PRKAR2A: variants seen among roughly 807,000 people sequenced by gnomAD.
The protein encoded by PRKAR2A is cAMP-dependent protein kinase type II-alpha regulatory subunit.
In PRKAR2A, 29 loss-of-function variants were observed where a neutral mutation model predicts 51.9. The observed-to-expected ratio is 0.56, with a 90% CI of 0.42 to 0.76. The LOEUF (loss-of-function observed/expected upper bound fraction) is 0.76, where lower values mean the gene tolerates loss of function less well. Ranked by LOEUF, PRKAR2A falls within the 30% of genes least tolerant of loss-of-function variation. PRKAR2A has a pLI of 0.00. For missense variants in PRKAR2A, 445 were observed against 512.1 expected, an observed-to-expected ratio of 0.87 and a Z score of 1.26; for synonymous variants, 178 against 186.2, an observed-to-expected ratio of 0.96 and a Z score of 0.36.
At chr3:48,758,716 A>C (rs1460094051) in intron 8 of PRKAR2A, among the ~76,000 whole-genome samples, 1 of 152,132 alleles carries the variant, frequency 6.6e-6, no homozygotes, top group African/African-American at 2.4e-5. Flanking sequence ...AGAAGCTGCT[A>C]ATGTTGCTGT....
intron 5 of PRKAR2A, among the ~76,000 whole-genome samples, chr3:48,777,975 C>T (rs1415722118): frequency 2.0e-5 from 3 of 152,192 alleles, no homozygotes; most frequent in Admixed American, 1.3e-4. Context: ...TCATTTCAGG[C>T]AGCAGCACTG....
chr3:48,754,021 C>A (rs2081711622), intron 9 of PRKAR2A, among the ~76,000 whole-genome samples: 1 of 151,014 alleles, frequency 6.6e-6, no homozygotes, highest in Non-Finnish European at 1.5e-5. Context: ...CCTCAGCCTC[C>A]TGAGTAGCTG....
At chr3:48,829,943 A>T (rs1293087189) in intron 1 of PRKAR2A, among the ~76,000 whole-genome samples, 1 of 145,732 alleles carries the variant, frequency 6.9e-6, no homozygotes, top group Non-Finnish European at 1.5e-5. Flanking sequence ...CACGCCTATA[A>T]TCCCAGCATT....
At chr3:48,780,079 AG>A (rs2082169510) in intron 5 of PRKAR2A, among the ~76,000 whole-genome samples, 1 of 151,578 alleles carries the variant, frequency 6.6e-6, no homozygotes, top group Non-Finnish European at 1.5e-5. Flanking sequence ...GAATCACTTG[AG>A]CCTGGGAGGC....
chr3:48,764,516 C>T (rs146154049), intron 8 of PRKAR2A, among the ~76,000 whole-genome samples: 10 of 152,104 alleles, frequency 6.6e-5, no homozygotes, highest in Non-Finnish European at 1.0e-4. Flanking sequence ...GAGATCTGCA[C>T]GTGTCAGTAA....
intron 5 of PRKAR2A, among the ~76,000 whole-genome samples, chr3:48,780,162 C>CA (rs1456031394): frequency 9.4e-4 from 136 of 145,414 alleles, no homozygotes; most frequent in Non-Finnish European, 1.2e-3. Context: ...CGTACCCCCC[C>CA]CAAAAAAAAA....
chr3:48,822,479 G>A (rs1196690020), intron 1 of PRKAR2A, among the ~76,000 whole-genome samples: 1 of 152,038 alleles, frequency 6.6e-6, no homozygotes. Flanking sequence ...AGGAAAAAAT[G>A]GCCTCGGTAA....
At chr3:48,762,990 G>A (rs2081886109) in intron 8 of PRKAR2A, among the ~76,000 whole-genome samples, 1 of 152,036 alleles carries the variant, frequency 6.6e-6, no homozygotes, top group African/African-American at 2.4e-5. Flanking sequence ...GTGGGGGAGG[G>A]TACTGACTGC....
At chr3:48,778,706 G>A (rs2082142844) in intron 5 of PRKAR2A, among the ~76,000 whole-genome samples, 1 of 151,708 alleles carries the variant, frequency 6.6e-6, no homozygotes, top group African/African-American at 2.4e-5. Flanking sequence ...TTTTAGTAGA[G>A]ATGGGGTTTC....
intron 8 of PRKAR2A, among the ~76,000 whole-genome samples, chr3:48,762,759 C>T (rs186080246): frequency 2.0e-5 from 3 of 151,686 alleles, no homozygotes; most frequent in Admixed American, 2.0e-4. Flanking sequence ...AAAACTCCGT[C>T]TCAAAAAGAA....
chr3:48,800,102 C>T (rs1340337802), intron 2 of PRKAR2A, among the ~76,000 whole-genome samples: 4 of 151,652 alleles, frequency 2.6e-5, no homozygotes, highest in Non-Finnish European at 5.9e-5. Flanking sequence ...TTGTGATCCA[C>T]CCGCCTTGGC....
chr3:48,847,337 T>G lies in PRKAR2A; in HGVS notation c.260A>C (p.Glu87Ala), dbSNP rs1483249104. 14 of 1,613,356 alleles carry G rather than the reference T, an allele frequency of 8.7e-6. No individual in the cohort carries two copies. Among genetic ancestry groups the G allele is most frequent in the Non-Finnish European group, 1.2e-5 (14 of 1,179,692 alleles). Residue 87 changes from glutamate to alanine, a missense_variant and splice_region_variant, in exon 1 of 11, where the codon GAA becomes GCA. By Grantham distance (107) the Glu-to-Ala change is moderately radical. Coordinates refer to ENST00000265563, the MANE Select transcript of PRKAR2A (RefSeq NM_004157.4). The surrounding 1 kb of genome is among the most constrained non-coding windows in gnomAD (Gnocchi z 4.4). ...DSESEEDEDL[E>A]VPVPSRFNRR... ...CCAGGGCCCCGCCCACAGCCTACCT[T>G]CCAAGTCCTCGTCCTCCTCCGACTC...
At chr3:48,833,666 C>T (rs959082482) in intron 1 of PRKAR2A, among the ~76,000 whole-genome samples, 36 of 149,008 alleles carry the variant, frequency 2.4e-4, no homozygotes, top group African/African-American at 7.7e-4. Flanking sequence ...GCCAAGATCG[C>T]GCCATTGCAC....
At chr3:48,804,460 A>C (rs945412544) in intron 2 of PRKAR2A, among the ~76,000 whole-genome samples, 3 of 149,186 alleles carry the variant, frequency 2.0e-5, no homozygotes, top group Non-Finnish European at 4.5e-5. Flanking sequence ...ATCCTGTTTC[A>C]AAAAAAAAAA....
intron 1 of PRKAR2A, among the ~76,000 whole-genome samples, chr3:48,826,908 A>G (rs991979403): frequency 3.9e-5 from 6 of 152,070 alleles, no homozygotes; most frequent in African/African-American, 1.4e-4. Context: ...GTAAACTTAA[A>G]AAAACCTCTC....
intron 2 of PRKAR2A, among the ~76,000 whole-genome samples, chr3:48,802,693 A>G (rs2082609359): frequency 6.6e-6 from 1 of 152,212 alleles, no homozygotes; most frequent in Non-Finnish European, 1.5e-5. Context: ...ACACAGCCAG[A>G]CTCAGTCTCA....
rs1203067221 is a variant in PRKAR2A, at chr3:48,847,327, C to T, written c.262+8G>A. 2 of 1,613,242 alleles carry T rather than the reference C, an allele frequency of 1.2e-6. No individual in the cohort carries two copies. The highest frequency in any genetic ancestry group is 2.2e-5 in the East Asian group (1 of 44,854). ...GCACCACTCCCCAGGGCCCCGCCCA[C>T]AGCCTACCTTCCAAGTCCTCGTCCT... On this transcript the variant is annotated splice_region_variant and intron_variant, in intron 1 of 10. Coordinates refer to ENST00000265563, the MANE Select transcript of PRKAR2A (RefSeq NM_004157.4). This position sits in a 1 kb window ranked among gnomAD's most constrained non-coding sequence, Gnocchi z 4.4.
intron 1 of PRKAR2A, among the ~76,000 whole-genome samples, chr3:48,837,686 A>G (rs1157220929): frequency 1.3e-5 from 2 of 152,134 alleles, no homozygotes; most frequent in Admixed American, 1.3e-4. Flanking sequence ...AACAATCTAT[A>G]TGTCCATCAA....
At chr3:48,757,720 C>T (rs916468094) in intron 8 of PRKAR2A, among the ~76,000 whole-genome samples, 2 of 151,404 alleles carry the variant, frequency 1.3e-5, no homozygotes, top group African/African-American at 2.4e-5. Context: ...GCCAGGAGTT[C>T]GACACCAGCC....
Sources: allele counts gnomAD v4.1 joint callset (sites outside exome capture counted in the v4.1 genomes callset), GRCh38; gene constraint gnomAD v4.1.1; non-coding constraint Gnocchi (gnomAD v3.1); transcripts MANE v1.5; gene names NCBI Gene and HGNC (gene_info 2026-07-23, HGNC 2026-07-21).